The following NLGN4Y variants were observed in gnomAD, a reference collection of about 807,000 sequenced individuals.
NLGN4Y encodes the protein neuroligin-4, Y-linked.
Under a neutral mutation model 8.4 loss-of-function variants are expected in NLGN4Y, and 4 were observed. The ratio of observed to expected loss-of-function variants is 0.48; its 90% CI spans 0.23 to 1.09. The LOEUF (loss-of-function observed/expected upper bound fraction) is 1.09. NLGN4Y is among the 50% of genes least tolerant of loss of function. The pLI is 0.19. For synonymous variants in NLGN4Y, 35 were observed against 75.6 expected (o/e 0.46, Z 2.78); for missense variants, 90 against 192.3 (o/e 0.47, Z 3.15).
chrY:14,781,435 G>T (rs2042943860), intron 4 of NLGN4Y, among the ~76,000 whole-genome samples: 1 of 33,103 alleles, frequency 3.0e-5, no homozygotes, highest in Non-Finnish European at 7.4e-5. Context: ...ATCATGTTGG[G>T]GTGGGGATGC....
chrY:14,763,606 A>G, intron 4 of NLGN4Y, among the ~76,000 whole-genome samples: 2 of 34,160 alleles, frequency 5.9e-5, no homozygotes. Context: ...CATGATGTTG[A>G]TTCTACAAAA....
chrY:14,760,933 T>A, intron 4 of NLGN4Y, among the ~76,000 whole-genome samples: 1 of 33,734 alleles, frequency 3.0e-5, no homozygotes, highest in South Asian at 6.5e-4. Context: ...ATACATAAAT[T>A]AACAAGATGA....
chrY:14,788,053 G>A (rs1003870207), intron 4 of NLGN4Y, among the ~76,000 whole-genome samples: 2 of 33,567 alleles, frequency 6.0e-5, no homozygotes, highest in Non-Finnish European at 1.5e-4. Flanking sequence ...AAAGTACTGA[G>A]AGTCTCAAAT....
chrY:14,823,348 C>T (rs960856009), intron 4 of NLGN4Y, among the ~76,000 whole-genome samples: 1 of 33,616 alleles, frequency 3.0e-5, no homozygotes, highest in Non-Finnish European at 7.4e-5. Context: ...AGACTTTGCT[C>T]GGGAGAAATG....
At chrY:14,763,827 T>C (rs2081087376) in intron 4 of NLGN4Y, among the ~76,000 whole-genome samples, 1 of 33,291 alleles carries the variant, frequency 3.0e-5, no homozygotes, top group South Asian at 6.8e-4. Context: ...CCTCCCTTTG[T>C]TTGGCATCTC....
chrY:14,686,478 T>C (rs1603502704), intron 2 of NLGN4Y, among the ~76,000 whole-genome samples: 1 of 33,315 alleles, frequency 3.0e-5, no homozygotes, highest in Non-Finnish European at 7.5e-5. Context: ...GTACATGACA[T>C]AAAATGTACC....
At chrY:14,547,487 C>T in intron 1 of NLGN4Y, among the ~76,000 whole-genome samples, 1 of 33,807 alleles carries the variant, frequency 3.0e-5, no homozygotes, top group South Asian at 6.6e-4. Context: ...ATCACAGAAG[C>T]TCTTCCAAAG....
At chrY:14,684,789 T>G in intron 2 of NLGN4Y, among the ~76,000 whole-genome samples, 1 of 33,485 alleles carries the variant, frequency 3.0e-5, no homozygotes, top group Admixed American at 2.7e-4. Context: ...TTCAGTGACT[T>G]ACCTTCAGTG....
At chrY:14,671,856 T>A (rs2080711822) in intron 2 of NLGN4Y, among the ~76,000 whole-genome samples, 1 of 30,980 alleles carries the variant, frequency 3.2e-5, no homozygotes, top group Non-Finnish European at 7.7e-5. Flanking sequence ...CAAAAAAAAA[T>A]AAAAATAAAA....
At chrY:14,666,437 C>T (rs756177956) in intron 2 of NLGN4Y, among the ~76,000 whole-genome samples, 1 of 33,226 alleles carries the variant, frequency 3.0e-5, no homozygotes, top group African/African-American at 1.2e-4. Flanking sequence ...ATTCATTTAT[C>T]GTTACTGAGG....
chrY:14,659,583 G>A (rs2080666805), intron 2 of NLGN4Y, among the ~76,000 whole-genome samples: 1 of 33,496 alleles, frequency 3.0e-5, no homozygotes, highest in Non-Finnish European at 7.4e-5. Context: ...GCTTCAGAGA[G>A]GAGACACTCT....
At chrY:14,814,233 C>A (rs2043093306) in intron 4 of NLGN4Y, among the ~76,000 whole-genome samples, 1 of 32,172 alleles carries the variant, frequency 3.1e-5, no homozygotes, top group Non-Finnish European at 7.5e-5. Flanking sequence ...AACTGGACAC[C>A]CCAAATGCTA....
At chrY:14,612,019 CATTTT>C (rs2080471327) in intron 1 of NLGN4Y, among the ~76,000 whole-genome samples, 1 of 33,369 alleles carries the variant, frequency 3.0e-5, no homozygotes, top group Non-Finnish European at 7.4e-5. Flanking sequence ...CTTGTCTTCA[CATTTT>C]ATTTTATTAA....
chrY:14,833,034 G>T, intron 6 of NLGN4Y, among the ~76,000 whole-genome samples: 1 of 32,772 alleles, frequency 3.1e-5, no homozygotes, highest in Admixed American at 2.8e-4. Context: ...ACCTAGGGGG[G>T]CTGTTTATAG....
chrY:14,557,221 C>T, intron 1 of NLGN4Y, among the ~76,000 whole-genome samples: 2 of 33,710 alleles, frequency 5.9e-5, no homozygotes, highest in African/African-American at 1.2e-4. Flanking sequence ...AACAGAGCAG[C>T]TTTGGTGACC....
chrY:14,573,608 C>A, intron 1 of NLGN4Y, among the ~76,000 whole-genome samples: 1 of 33,222 alleles, frequency 3.0e-5, no homozygotes. Context: ...CAGTTCTGCT[C>A]TGATCTTAGT....
chrY:14,544,237 A>G lies in NLGN4Y; in HGVS notation c.-112+19529A>G, dbSNP rs760161153. 1.6e-3 allele frequency among the ~76,000 whole-genome samples: 52 copies of G among 33,475 alleles called. No individual in the cohort carries two copies. In the Middle Eastern group the frequency reaches 0.041, roughly 26 times the overall value. 89.8% of individuals were successfully genotyped at this position (33,475 alleles called of 37,273 possible). On this transcript the variant is annotated intron_variant, in intron 1 of 6. Transcript: ENST00000684976. Reference sequence around the variant, plus strand: ...ATAAAAACTCATTGATATGCTGGGCATTATTTCTCTCCCCATGGCCTCCAA... The same window carrying G: ...ATAAAAACTCATTGATATGCTGGGCGTTATTTCTCTCCCCATGGCCTCCAA...
intron 2 of NLGN4Y, among the ~76,000 whole-genome samples, chrY:14,688,031 A>T (rs913765349): frequency 3.0e-4 from 10 of 32,984 alleles, no homozygotes; most frequent in African/African-American, 1.2e-3. Context: ...CATGATTTGG[A>T]TGTGGAGTGT....
chrY:14,570,318 G>A (rs2080265012), intron 1 of NLGN4Y, among the ~76,000 whole-genome samples: 1 of 33,599 alleles, frequency 3.0e-5, no homozygotes, highest in Non-Finnish European at 7.4e-5. Context: ...CCTTTAGGAG[G>A]AGAGGTTCTA....
Sources: gnomAD v4.1 joint callset for allele counts (sites outside exome capture counted in the v4.1 genomes callset) on GRCh38, gnomAD v4.1.1 for gene constraint, MANE v1.5 for transcripts, NCBI Gene and HGNC (gene_info 2026-07-23, HGNC 2026-07-21) for gene names.